Variants in NAALADL2 observed in about 807,000 individuals in gnomAD.
NAALADL2 encodes the protein inactive N-acetylated-alpha-linked acidic dipeptidase-like protein 2.
In NAALADL2, 76 loss-of-function variants were observed where a neutral mutation model predicts 87.2. The observed-to-expected ratio is 0.87, with a 90% CI of 0.72 to 1.05. The LOEUF is 1.05. NAALADL2 is among the 50% of genes least tolerant of loss of function. The pLI is 0.00. For synonymous variants in NAALADL2, 354 were observed against 331.0 expected, an observed-to-expected ratio of 1.07 and a Z score of -0.75; for missense variants, 1,089 against 945.8, an observed-to-expected ratio of 1.15 and a Z score of -1.99.
intron 1 of NAALADL2, among the ~76,000 whole-genome samples, chr3:174,458,126 C>T (rs1715972519): frequency 6.6e-6 from 1 of 152,004 alleles, no homozygotes; most frequent in African/African-American, 2.4e-5. Context: ...GCACATACAC[C>T]CTTGAACTTA....
intron 3 of NAALADL2, among the ~76,000 whole-genome samples, chr3:174,838,856 G>A (rs906777312): frequency 4.6e-5 from 7 of 152,020 alleles, no homozygotes; most frequent in African/African-American, 1.7e-4. Flanking sequence ...GACGACACAA[G>A]CAAATGGAAA....
At chr3:174,444,979 T>G (rs566200490) in intron 1 of NAALADL2, among the ~76,000 whole-genome samples, 1 of 152,104 alleles carries the variant, frequency 6.6e-6, no homozygotes, top group Non-Finnish European at 1.5e-5. Context: ...ATGGAGAGAA[T>G]TGATAGAGTT....
intron 2 of NAALADL2, among the ~76,000 whole-genome samples, chr3:175,118,122 G>T (rs58017504): frequency 2.0e-5 from 3 of 151,074 alleles, no homozygotes; most frequent in Admixed American, 6.6e-5. Flanking sequence ...TCGTAGGGTG[G>T]GGGGGAGGCC....
At chr3:174,987,793 A>ATTATATATATATATATATATATAT (rs1746141263) in intron 1 of NAALADL2, among the ~76,000 whole-genome samples, 3 of 129,114 alleles carry the variant, frequency 2.3e-5, no homozygotes, top group African/African-American at 1.2e-4. Context: ...TACCTGGTTA[A>ATTATATATATATATATATATATAT]TTATATATAT....
chr3:174,794,844 T>TA (rs1044008102), intron 3 of NAALADL2, among the ~76,000 whole-genome samples: 1 of 152,020 alleles, frequency 6.6e-6, no homozygotes, highest in Non-Finnish European at 1.5e-5. Context: ...TATTGCTTAC[T>TA]AAAAAAATCA....
chr3:175,632,680 A>G (rs1450362816), intron 11 of NAALADL2, among the ~76,000 whole-genome samples: 29 of 152,062 alleles, frequency 1.9e-4, no homozygotes, highest in Admixed American at 1.9e-3. Context: ...GTATTATTTC[A>G]TAATTATTAA....
intron 2 of NAALADL2, among the ~76,000 whole-genome samples, chr3:175,178,870 C>T (rs768959327): frequency 1.1e-4 from 16 of 151,820 alleles, no homozygotes; most frequent in Non-Finnish European, 2.2e-4. Flanking sequence ...ATTAGGCTAG[C>T]TCTACAAAAA....
chr3:175,134,431 T>C (rs1184894832), intron 2 of NAALADL2, among the ~76,000 whole-genome samples: 1 of 140,966 alleles, frequency 7.1e-6, no homozygotes, highest in Non-Finnish European at 1.5e-5. Flanking sequence ...CTCAGCTTTT[T>C]TGGGGGGGTC....
chr3:174,605,464 G>T (rs1228712338), intron 2 of NAALADL2, among the ~76,000 whole-genome samples: 2 of 149,570 alleles, frequency 1.3e-5, no homozygotes, highest in African/African-American at 2.5e-5. Context: ...ACTCCCACCC[G>T]AATACTGCAC....
At chr3:175,798,831 AC>A (rs1411640114) in intron 13 of NAALADL2, among the ~76,000 whole-genome samples, 4 of 152,074 alleles carry the variant, frequency 2.6e-5, no homozygotes, top group African/African-American at 9.7e-5. Context: ...TTAATCTGTA[AC>A]TTTTATGAGC....
chr3:175,755,355 A>G lies in NAALADL2; in HGVS notation c.2126A>G (p.Asn709Ser). 2 of 1,612,590 alleles carry G rather than the reference A, an allele frequency of 1.2e-6. No homozygotes were observed. Among genetic ancestry groups the G allele is most frequent in the Non-Finnish European group, 1.7e-6 (2 of 1,179,258 alleles). Residue 709 changes from asparagine to serine, a missense_variant, in exon 13 of 14, where the codon AAT becomes AGT. Physicochemically the swap from Asn to Ser is conservative, Grantham distance 46. Transcript: ENST00000454872. ...ERAPIRIRML[N>S]DILQDMEKSF... The stretch of plus-strand genomic sequence containing the variant: ...GCACCCATCCGCATCCGGATGCTGA[A>G]TGACATTCTCCAAGACATGGAGAAA...
At chr3:175,556,657 A>G (rs1318691958) in intron 9 of NAALADL2, among the ~76,000 whole-genome samples, 1 of 152,212 alleles carries the variant, frequency 6.6e-6, no homozygotes, top group African/African-American at 2.4e-5. Context: ...AAATCTCAGG[A>G]AAGCAGACTC....
chr3:175,713,842 T>C (rs1740867824), intron 11 of NAALADL2, among the ~76,000 whole-genome samples: 1 of 152,104 alleles, frequency 6.6e-6, no homozygotes, highest in Non-Finnish European at 1.5e-5. Flanking sequence ...CAACCCATCA[T>C]CTACATTAGG....
chr3:174,716,861 A>G (rs1731242316), intron 2 of NAALADL2, among the ~76,000 whole-genome samples: 1 of 152,186 alleles, frequency 6.6e-6, no homozygotes, highest in African/African-American at 2.4e-5. Context: ...TGTTATTGAA[A>G]GCCTAGCTCC....
chr3:175,392,460 C>T (rs1285253031), intron 5 of NAALADL2, among the ~76,000 whole-genome samples: 2 of 152,148 alleles, frequency 1.3e-5, no homozygotes, highest in African/African-American at 2.4e-5. Flanking sequence ...GAAATCATAG[C>T]TCTTCCTCCC....
At chr3:175,396,034 C>T (rs1351094878) in intron 5 of NAALADL2, among the ~76,000 whole-genome samples, 1 of 152,164 alleles carries the variant, frequency 6.6e-6, no homozygotes, top group Non-Finnish European at 1.5e-5. Flanking sequence ...AAACAACTCA[C>T]TGTGCATAGA....
chr3:175,530,815 T>C (rs1237548582), intron 9 of NAALADL2, among the ~76,000 whole-genome samples: 1 of 152,210 alleles, frequency 6.6e-6, no homozygotes, highest in African/African-American at 2.4e-5. Context: ...ACACACTTTA[T>C]GGCTAGATGG....
chr3:175,040,599 T>G (rs1316979217), intron 1 of NAALADL2, among the ~76,000 whole-genome samples: 1 of 152,200 alleles, frequency 6.6e-6, no homozygotes, highest in Non-Finnish European at 1.5e-5. Context: ...TTTCTGAGTA[T>G]CATTTTATAC....
intron 1 of NAALADL2, among the ~76,000 whole-genome samples, chr3:174,508,372 C>T (rs528163524): frequency 1.3e-5 from 2 of 152,086 alleles, no homozygotes; most frequent in Non-Finnish European, 2.9e-5. Flanking sequence ...CTCGGCCTCC[C>T]AAAGTGCCAG....
Sources: gnomAD v4.1 joint callset for allele counts (sites outside exome capture counted in the v4.1 genomes callset) on GRCh38, gnomAD v4.1.1 for gene constraint, MANE v1.5 for transcripts, NCBI Gene and HGNC (gene_info 2026-07-23, HGNC 2026-07-21) for gene names.